Variants in RSPH14 observed in about 807,000 individuals in gnomAD.
RSPH14 encodes rhabdoid tumor deletion region gene 1.
In RSPH14, 20 loss-of-function variants were observed where a neutral mutation model predicts 26.7. The ratio of observed to expected loss-of-function variants is 0.75; its 90% CI spans 0.53 to 1.09. The LOEUF (loss-of-function observed/expected upper bound fraction) is 1.09. RSPH14 is among the 50% of genes least tolerant of loss of function. The pLI, the probability that RSPH14 is intolerant of heterozygous loss-of-function variation, is 0.00. For missense variants in RSPH14, 449 were observed against 457.2 expected, an observed-to-expected ratio of 0.98 and a Z score of 0.16; for synonymous variants, 177 against 189.3, an observed-to-expected ratio of 0.93 and a Z score of 0.53.
Position 23,134,075 on chromosome 22 carries a change from G to A in RSPH14, c.372C>T (p.Cys124=). 6.2e-7 allele frequency: 1 copy of A among 1,613,682 alleles called. No homozygotes were observed. Residue 124 remains cysteine (C), a synonymous_variant, in exon 4 of 7, where the codon TGC becomes TGT. Coordinates refer to ENST00000216036, the MANE Select transcript of RSPH14 (RefSeq NM_014433.3). ...TGTATGCCTTGTACAGGTTCCCCCG[G>A]CAGACTGGGCTGGGGTCATTCAGCA... is the stretch of plus-strand genomic sequence containing the variant. The part of the protein sequence containing the change: ...SFLLNDPSPV[C]RGNLYKAYMQ...
At chr22:23,140,948 A>G (rs2070588334) in intron 1 of RSPH14, among the ~76,000 whole-genome samples, 1 of 152,228 alleles carries the variant, frequency 6.6e-6, no homozygotes. Flanking sequence ...ACTAGAAGCC[A>G]GTGTTCAAAT....
At chr22:23,086,083 C>T (rs1001659804) in intron 4 of RSPH14, among the ~76,000 whole-genome samples, 5 of 152,210 alleles carry the variant, frequency 3.3e-5, no homozygotes, top group South Asian at 2.1e-4. Context: ...CTGTCTACGG[C>T]GGGTGACCCT....
chr22:23,069,589 C>A (rs1375561900), intron 4 of RSPH14, among the ~76,000 whole-genome samples: 2 of 152,190 alleles, frequency 1.3e-5, no homozygotes, highest in Non-Finnish European at 2.9e-5. Context: ...CTGGCTCTCT[C>A]ACGCTTGTCT....
intron 4 of RSPH14, among the ~76,000 whole-genome samples, chr22:23,115,522 T>C (rs2069802620): frequency 6.6e-6 from 1 of 152,142 alleles, no homozygotes; most frequent in Non-Finnish European, 1.5e-5. Context: ...GGAGGGGGTC[T>C]CGGGTTGCCC....
At chr22:23,167,316 C>T in the RSPH14 span, among the ~76,000 whole-genome samples, 1 of 152,242 alleles carries the variant, frequency 6.6e-6, no homozygotes, top group East Asian at 1.9e-4. Context: ...TTCACTGCCG[C>T]TCCCTGCACC....
intron 4 of RSPH14, among the ~76,000 whole-genome samples, chr22:23,081,063 G>C (rs2068663623): frequency 6.6e-6 from 1 of 152,182 alleles, no homozygotes; most frequent in African/African-American, 2.4e-5. Flanking sequence ...GTAAACTGGT[G>C]GGCTGTGACT....
intron 1 of RSPH14, 46 bp from the exon 2 acceptor site, chr22:23,140,518 A>T: frequency 6.6e-7 from 1 of 1,509,204 alleles, no homozygotes; most frequent in Non-Finnish European, 8.9e-7. Flanking sequence ...ATGATTTAAA[A>T]GCTACTTCTC....
chr22:23,087,590 T>G (rs1601775190), intron 4 of RSPH14, among the ~76,000 whole-genome samples: 1 of 151,630 alleles, frequency 6.6e-6, no homozygotes, highest in Admixed American at 6.6e-5. Flanking sequence ...GAGACCGGAG[T>G]GTTATTATTA....
At chr22:23,116,374 G>A (rs765424617) in intron 4 of RSPH14, among the ~76,000 whole-genome samples, 1 of 152,266 alleles carries the variant, frequency 6.6e-6, no homozygotes, top group Non-Finnish European at 1.5e-5. Flanking sequence ...AGGGGATGAC[G>A]TGGCTACGCG....
chr22:23,073,711 C>T (rs754015785), intron 4 of RSPH14, among the ~76,000 whole-genome samples: 1 of 152,222 alleles, frequency 6.6e-6, no homozygotes, highest in Non-Finnish European at 1.5e-5. Context: ...TGGACTGAGC[C>T]GGAGGAGCAG....
chr22:23,098,587 A>G (rs1415015121), intron 4 of RSPH14, among the ~76,000 whole-genome samples: 1 of 152,184 alleles, frequency 6.6e-6, no homozygotes, highest in Non-Finnish European at 1.5e-5. Context: ...TGGCACACCC[A>G]CCACCATCAC....
At chr22:23,159,056 T>C in the RSPH14 span, 93 of 1,581,518 alleles carry the variant, frequency 5.9e-5, no homozygotes, top group Non-Finnish European at 8.0e-5. Flanking sequence ...GGAGGAGCCA[T>C]GGGGAGGGAG....
intron 4 of RSPH14, among the ~76,000 whole-genome samples, chr22:23,104,156 G>A (rs936093725): frequency 4.6e-5 from 7 of 152,212 alleles, no homozygotes; most frequent in South Asian, 2.1e-4. Context: ...GGGGGCTGTC[G>A]GGGGCCATGG....
At position 23,087,166 on chromosome 22, in the gene RSPH14, A is replaced by G. The variant is rs980391957; in HGVS notation, c.422-23033T>C. ...GGCTCCAGAGTTGGGGGCAGCACCC[A>G]CTCTTTAAGAGATGATAGAATGAGC... On this transcript the variant is annotated intron_variant, in intron 4 of 6. Coordinates refer to ENST00000216036, the MANE Select transcript of RSPH14 (RefSeq NM_014433.3). Among the ~76,000 whole-genome samples the G allele has an allele frequency of 4.6e-5, 7 of 152,220 alleles. 1 individual carries two copies. Among genetic ancestry groups the G allele is most frequent in the African/African-American group, 1.7e-4 (7 of 41,524 alleles).
the RSPH14 span, chr22:23,150,149 T>C: frequency 1.2e-6 from 2 of 1,610,678 alleles, no homozygotes; most frequent in South Asian, 2.2e-5. Context: ...ACACGGGGAC[T>C]GTCGGGTGAG....
rs144040511 is a variant in RSPH14 at position 23,059,560 on chromosome 22, G to A, written c.949C>T (p.Arg317Cys). ...KALQTHVPTFRAMEVETYEKP... is the reference protein window; with the variant it reads ...KALQTHVPTFCAMEVETYEKP... ...TCGTAAGTCTCCACCTCCATGGCAC[G>A]GAAAGTGGGCACGTGCGTCTGCAGG... Residue 317 changes from arginine to cysteine, a missense_variant, in exon 7 of 7, where the codon CGT becomes TGT. Arg to Cys is a radical substitution (Grantham distance 180, BLOSUM62 -3). Coordinates refer to ENST00000216036, the MANE Select transcript of RSPH14 (RefSeq NM_014433.3). 4.8e-5 allele frequency: 77 copies of A among 1,614,218 alleles called. No homozygotes were observed. The highest frequency in any genetic ancestry group is 1.6e-4 in the African/African-American group (12 of 75,062).
In RSPH14 at chr22:23,125,988, C is replaced by T. The variant is rs936560516; in HGVS notation, c.421+8038G>A. 2.0e-5 allele frequency among the ~76,000 whole-genome samples: 3 copies of T among 152,228 alleles called. No homozygotes were observed. The South Asian group carries it at 6.2e-4, about 32-fold the overall frequency. On this transcript the variant is annotated intron_variant, in intron 4 of 6. Transcript: ENST00000216036. ...AGCCCTGGTGCTGTCACCGCCCCATCCCTACTCCTAAGCCCACGCAGGGAC... is the reference window on the plus strand; with the variant it reads ...AGCCCTGGTGCTGTCACCGCCCCATTCCTACTCCTAAGCCCACGCAGGGAC...
intron 4 of RSPH14, among the ~76,000 whole-genome samples, chr22:23,080,690 G>A (rs1461222918): frequency 6.6e-6 from 1 of 152,222 alleles, no homozygotes; most frequent in Non-Finnish European, 1.5e-5. Flanking sequence ...CCACAAACAC[G>A]GAGTCACATG....
intron 4 of RSPH14, among the ~76,000 whole-genome samples, chr22:23,121,056 C>CT (rs1280707975): frequency 6.6e-6 from 1 of 152,138 alleles, no homozygotes; most frequent in African/African-American, 2.4e-5. Flanking sequence ...TGTGACATTC[C>CT]TAGACCACCA....
Sources: allele counts gnomAD v4.1 joint callset (sites outside exome capture counted in the v4.1 genomes callset), GRCh38; gene constraint gnomAD v4.1.1; transcripts MANE v1.5; gene names NCBI Gene and HGNC (gene_info 2026-07-23, HGNC 2026-07-21).